SIMC1: variants seen among roughly 807,000 people sequenced by gnomAD.
SIMC1 encodes SUMO interacting motifs containing 1.
Under a neutral mutation model 82.3 loss-of-function variants are expected in SIMC1, and 55 were observed. That is an observed-to-expected ratio of 0.67 (90% CI 0.54 to 0.84). The LOEUF (loss-of-function observed/expected upper bound fraction) is 0.84, where lower values mean the gene tolerates loss of function less well. SIMC1 is among the 40% of genes least tolerant of loss of function. The pLI is 0.00. For synonymous variants in SIMC1, 353 were observed against 426.3 expected (o/e 0.83, Z 2.12); for missense variants, 915 against 1,107.2 (o/e 0.83, Z 2.46).
rs760650672 is a variant in SIMC1 at position 176,324,650 on chromosome 5, G to A, written c.2064G>A (p.Arg688=). 3 of 1,611,486 alleles carry A rather than the reference G, an allele frequency of 1.9e-6. No individual in the cohort carries two copies. Among genetic ancestry groups the A allele is most frequent in the Non-Finnish European group, 2.5e-6 (3 of 1,178,968 alleles). Residue 688 remains arginine, a synonymous_variant, in exon 7 of 10, where the codon AGG becomes AGA. Coordinates refer to ENST00000429602, the MANE Select transcript of SIMC1 (RefSeq NM_001308195.2). ...TCAGGATTGTGTGCCAGCTTCAGAG[G>A]ATGCTCTCCATAGCCGTAGAGGTGG... is the stretch of plus-strand genomic sequence containing the variant. ...TNQLIVCQLQ[R]MLSIAVEVDR...
At chr5:176,291,661 G>T (rs1472218765) in intron 2 of SIMC1, among the ~76,000 whole-genome samples, 1 of 151,986 alleles carries the variant, frequency 6.6e-6, no homozygotes, top group Non-Finnish European at 1.5e-5. Context: ...TTGTATTTTA[G>T]TAGAGACAGG....
At chr5:176,277,518 T>A (rs1762767198) in intron 1 of SIMC1, among the ~76,000 whole-genome samples, 1 of 152,036 alleles carries the variant, frequency 6.6e-6, no homozygotes, top group African/African-American at 2.4e-5. Context: ...CGTGAAGTCC[T>A]TGCCCATGCC....
chr5:176,291,017 T>C, intron 2 of SIMC1, 62 bp downstream of exon 2: 1 of 1,058,768 alleles, frequency 9.4e-7, no homozygotes. Flanking sequence ...AGAAGGTCAG[T>C]GTGACTGGAG....
intron 1 of SIMC1, among the ~76,000 whole-genome samples, chr5:176,265,178 A>G (rs892870764): frequency 6.6e-6 from 1 of 152,198 alleles, no homozygotes. Context: ...AGGGAGTTTA[A>G]CAAGGTCACT....
At chr5:176,316,292 A>G (rs1764902186) in intron 5 of SIMC1, among the ~76,000 whole-genome samples, 2 of 152,152 alleles carry the variant, frequency 1.3e-5, no homozygotes, top group South Asian at 4.1e-4. Context: ...TACCCAAGGC[A>G]CTGTTCTCTC....
rs1003306110 is a variant in SIMC1 at position 176,276,779 on chromosome 5, A to C, written c.130-12875A>C. ...ATGTCCCTACAAAGGACATGAACTC[A>C]TCATTTTTTATGGCTGCATAGTATT... On this transcript the variant is annotated intron_variant, in intron 1 of 9. Transcript: ENST00000429602. 1.2e-3 allele frequency among the ~76,000 whole-genome samples: 161 copies of C among 138,664 alleles called. 2 individuals carry two copies. Among genetic ancestry groups the C allele is most frequent in the Non-Finnish European group, 1.6e-3 (99 of 62,956 alleles). 91.0% of individuals were successfully genotyped at this position (138,664 alleles called of 152,430 possible).
At chr5:176,285,869 T>C (rs1163053770) in intron 1 of SIMC1, among the ~76,000 whole-genome samples, 2 of 152,122 alleles carry the variant, frequency 1.3e-5, no homozygotes, top group African/African-American at 4.8e-5. Context: ...AAATCATGAG[T>C]GAACTCCCAT....
At chr5:176,308,920 G>A in intron 4 of SIMC1, 2 of 1,287,810 alleles carry the variant, frequency 1.6e-6, no homozygotes, top group African/African-American at 2.9e-5. Flanking sequence ...TTCTACAGTG[G>A]TTGGAGGACA....
intron 6 of SIMC1, 69 bp from the exon 7 acceptor site, chr5:176,324,560 T>G: frequency 6.5e-7 from 1 of 1,537,540 alleles, no homozygotes; most frequent in South Asian, 1.2e-5. Flanking sequence ...GGTGGGGACC[T>G]CCTCCCAGCC....
At chr5:176,285,102 A>T (rs902313100) in intron 1 of SIMC1, among the ~76,000 whole-genome samples, 2 of 152,234 alleles carry the variant, frequency 1.3e-5, no homozygotes, top group Non-Finnish European at 2.9e-5. Context: ...ATTCCAATTG[A>T]TAGAAAAAGA....
chr5:176,303,667 C>A (rs978599432), intron 4 of SIMC1, among the ~76,000 whole-genome samples: 1 of 152,178 alleles, frequency 6.6e-6, no homozygotes, highest in Non-Finnish European at 1.5e-5. Context: ...AGTTCTCACA[C>A]TTCTTGACTG....
At chr5:176,306,247 G>A (rs1477411193) in intron 4 of SIMC1, among the ~76,000 whole-genome samples, 1 of 99,716 alleles carries the variant, frequency 1.0e-5, no homozygotes, top group African/African-American at 3.4e-5. Context: ...GGGAAGTGAG[G>A]AGCCCCTCTG....
At chr5:176,312,467 C>T (rs1034761909) in intron 4 of SIMC1, among the ~76,000 whole-genome samples, 1 of 134,856 alleles carries the variant, frequency 7.4e-6, no homozygotes, top group Non-Finnish European at 1.5e-5. Flanking sequence ...GCCTGGGAGG[C>T]AGAGGTTACA....
intron 6 of SIMC1, among the ~76,000 whole-genome samples, chr5:176,323,929 A>C (rs1460620745): frequency 6.6e-6 from 1 of 150,570 alleles, no homozygotes; most frequent in African/African-American, 2.4e-5. Flanking sequence ...CGGAGCTGGC[A>C]GTGAGCCAAG....
At chr5:176,325,807 A>G (rs1410472091) in intron 7 of SIMC1, among the ~76,000 whole-genome samples, 1 of 152,138 alleles carries the variant, frequency 6.6e-6, no homozygotes, top group Non-Finnish European at 1.5e-5. Context: ...AGTGTTCACT[A>G]AAGGCTTGGT....
intron 1 of SIMC1, among the ~76,000 whole-genome samples, chr5:176,264,104 G>A (rs985869134): frequency 6.6e-6 from 1 of 152,232 alleles, no homozygotes; most frequent in African/African-American, 2.4e-5. Context: ...TAAGGCCTTG[G>A]GCAGCCCCAC....
At chr5:176,272,345 T>C (rs948211725) in intron 1 of SIMC1, among the ~76,000 whole-genome samples, 3 of 151,166 alleles carry the variant, frequency 2.0e-5, no homozygotes, top group African/African-American at 7.3e-5. Context: ...GGCACTTCTA[T>C]TCAGAATTAT....
rs187013598 is a variant in SIMC1 at position 176,285,836 on chromosome 5, G to A, written c.130-3818G>A. On this transcript the variant is annotated intron_variant, in intron 1 of 9. Transcript: ENST00000429602. ...TGCAAAAAATCACAAGCATTCTTAT[G>A]CACCAATAACAGACAGAGAGCCAAA... Among the ~76,000 whole-genome samples the A allele has an allele frequency of 5.4e-3, 819 of 151,800 alleles. 6 individuals are homozygous for A. The highest frequency in any genetic ancestry group is 9.0e-3 in the Admixed American group (137 of 15,200).
chr5:176,258,186 T>A (rs1260961915), intron 1 of SIMC1, among the ~76,000 whole-genome samples: 1 of 152,216 alleles, frequency 6.6e-6, no homozygotes, highest in Non-Finnish European at 1.5e-5. Context: ...TATGTAGGGT[T>A]AAACATATCA....
Sources: gnomAD v4.1 joint callset for allele counts (sites outside exome capture counted in the v4.1 genomes callset) on GRCh38, gnomAD v4.1.1 for gene constraint, MANE v1.5 for transcripts, NCBI Gene and HGNC (gene_info 2026-07-23, HGNC 2026-07-21) for gene names.